CNTNAP2: variants seen among roughly 807,000 people sequenced by gnomAD.
CNTNAP2 encodes contactin associated protein 2, also known as contactin-associated protein-like 2.
In CNTNAP2, 98 loss-of-function variants were observed where a neutral mutation model predicts 155.2. The observed-to-expected ratio is 0.63, with a 90% CI of 0.54 to 0.75. The LOEUF (loss-of-function observed/expected upper bound fraction) is 0.75. Among genes scored for constraint, CNTNAP2 ranks in the 30% least tolerant of loss-of-function variants. The probability of loss-of-function intolerance (pLI) is 0.00; values close to 1 mark genes in which losing one functional copy is unlikely to be tolerated. For synonymous variants in CNTNAP2, 651 were observed against 631.2 expected, an observed-to-expected ratio of 1.03 and a Z score of -0.47; for missense variants, 1,727 against 1,688.1, an observed-to-expected ratio of 1.02 and a Z score of -0.40.
intron 3 of CNTNAP2, among the ~76,000 whole-genome samples, chr7:146,896,741 A>C (rs1585144226): frequency 6.6e-6 from 1 of 152,222 alleles, no homozygotes; most frequent in Admixed American, 6.5e-5. Flanking sequence ...TGCTTAAATA[A>C]TTCTGATAAT....
chr7:146,861,671 A>T (rs1795104117), intron 3 of CNTNAP2, among the ~76,000 whole-genome samples: 1 of 152,106 alleles, frequency 6.6e-6, no homozygotes, highest in Non-Finnish European at 1.5e-5. Flanking sequence ...TCAGTGAGAT[A>T]GGTCTACAAA....
chr7:148,278,371 C>G (rs1219126809), intron 21 of CNTNAP2, among the ~76,000 whole-genome samples: 5 of 152,060 alleles, frequency 3.3e-5, no homozygotes, highest in Admixed American at 3.3e-4. Context: ...TTGTGACCAT[C>G]CTGGCTAACA....
intron 3 of CNTNAP2, among the ~76,000 whole-genome samples, chr7:146,850,478 T>C (rs1221017583): frequency 6.6e-6 from 1 of 152,156 alleles, no homozygotes; most frequent in Non-Finnish European, 1.5e-5. Context: ...AACCAACACT[T>C]ATTGGGGGTT....
At chr7:146,770,484 A>G (rs1802275371) in intron 1 of CNTNAP2, among the ~76,000 whole-genome samples, 1 of 152,028 alleles carries the variant, frequency 6.6e-6, no homozygotes, top group Non-Finnish European at 1.5e-5. Flanking sequence ...ATGATTATAG[A>G]TTATGTTTTA....
chr7:146,757,346 T>C (rs1389021859), intron 1 of CNTNAP2, among the ~76,000 whole-genome samples: 1 of 152,166 alleles, frequency 6.6e-6, no homozygotes. Context: ...AGAATTATTT[T>C]TCATTGTTCT....
chr7:147,618,166 G>A (rs968010218), intron 12 of CNTNAP2, among the ~76,000 whole-genome samples: 45 of 152,208 alleles, frequency 3.0e-4, no homozygotes, highest in African/African-American at 1.0e-3. Context: ...AGGCTTATAC[G>A]CAATATAAAA....
intron 20 of CNTNAP2, among the ~76,000 whole-genome samples, chr7:148,244,665 C>T (rs1006425340): frequency 8.6e-5 from 13 of 151,362 alleles, no homozygotes; most frequent in South Asian, 2.1e-4. Context: ...TGGGCTCAAG[C>T]GATCCTCCTG....
At chr7:147,528,607 C>T (rs1273731546) in intron 11 of CNTNAP2, among the ~76,000 whole-genome samples, 11 of 152,132 alleles carry the variant, frequency 7.2e-5, no homozygotes, top group Admixed American at 7.2e-4. Flanking sequence ...TCTTGTACAT[C>T]TTACATGTTC....
chr7:147,182,300 C>CT, intron 8 of CNTNAP2, among the ~76,000 whole-genome samples: 1 of 152,060 alleles, frequency 6.6e-6, no homozygotes, highest in African/African-American at 2.4e-5. Flanking sequence ...TTAACCTCCT[C>CT]TTTTTTATTG....
intron 21 of CNTNAP2, among the ~76,000 whole-genome samples, chr7:148,300,238 A>T (rs1204324702): frequency 1.3e-5 from 2 of 152,134 alleles, no homozygotes; most frequent in African/African-American, 4.8e-5. Context: ...TAGGCCCTTT[A>T]CCAAGGATTC....
At chr7:146,410,748 C>T (rs1795853828) in intron 1 of CNTNAP2, among the ~76,000 whole-genome samples, 1 of 152,000 alleles carries the variant, frequency 6.6e-6, no homozygotes, top group Non-Finnish European at 1.5e-5. Flanking sequence ...AATTTTGTTT[C>T]CTTGACCAAC....
chr7:146,511,108 C>A (rs1300679890), intron 1 of CNTNAP2, among the ~76,000 whole-genome samples: 4 of 152,078 alleles, frequency 2.6e-5, no homozygotes, highest in African/African-American at 9.7e-5. Context: ...CCATGTTAGC[C>A]AGGAAGGTCT....
At chr7:147,260,451 A>T (rs531492259) in intron 8 of CNTNAP2, among the ~76,000 whole-genome samples, 1 of 152,322 alleles carries the variant, frequency 6.6e-6, no homozygotes, top group Admixed American at 6.5e-5. Flanking sequence ...AGCCTTGTAG[A>T]TTATCTTCAA....
At chr7:146,477,845 G>A (rs1483775652) in intron 1 of CNTNAP2, among the ~76,000 whole-genome samples, 2 of 152,282 alleles carry the variant, frequency 1.3e-5, no homozygotes, top group African/African-American at 4.8e-5. Flanking sequence ...AGGATTAAAT[G>A]AGATAAGGGT....
intron 1 of CNTNAP2, among the ~76,000 whole-genome samples, chr7:146,546,960 A>C (rs1045444208): frequency 1.3e-5 from 2 of 151,990 alleles, no homozygotes; most frequent in Non-Finnish European, 2.9e-5. Context: ...AGATCATTCT[A>C]ACAGTAATAG....
intron 1 of CNTNAP2, among the ~76,000 whole-genome samples, chr7:146,457,481 A>AATATATAT (rs200909725): frequency 6.9e-5 from 6 of 87,300 alleles, no homozygotes; most frequent in African/African-American, 1.6e-4. Flanking sequence ...TTCAAAAATG[A>AATATATAT]ATATATATAT....
intron 13 of CNTNAP2, among the ~76,000 whole-genome samples, chr7:147,746,941 G>A (rs1008894380): frequency 2.6e-5 from 4 of 152,126 alleles, no homozygotes; most frequent in Non-Finnish European, 5.9e-5. Context: ...TATTTTGCTA[G>A]TTCAGTTTAG....
chr7:147,441,933 C>T (rs1472399807), intron 10 of CNTNAP2, among the ~76,000 whole-genome samples: 1 of 147,118 alleles, frequency 6.8e-6, no homozygotes, highest in Non-Finnish European at 1.5e-5. Context: ...ACGTAAGCAC[C>T]CCTATGGCAA....
chr7:146,764,102 C>A (rs1407213131), intron 1 of CNTNAP2, among the ~76,000 whole-genome samples: 1 of 152,164 alleles, frequency 6.6e-6, no homozygotes, highest in East Asian at 1.9e-4. Flanking sequence ...AAAATTGCAA[C>A]ATTTACCAGT....
Sources: gnomAD v4.1 joint callset for allele counts (sites outside exome capture counted in the v4.1 genomes callset) on GRCh38, gnomAD v4.1.1 for gene constraint, MANE v1.5 for transcripts, NCBI Gene and HGNC (gene_info 2026-07-23, HGNC 2026-07-21) for gene names.